MEI1: variants seen among roughly 807,000 people sequenced by gnomAD.
MEI1 encodes the protein meiosis inhibitor protein 1.
Under a neutral mutation model 146.2 loss-of-function variants are expected in MEI1, and 103 were observed. That is an observed-to-expected ratio of 0.70 (90% CI 0.60 to 0.83). The LOEUF is 0.83. Ranked by LOEUF, MEI1 falls within the 40% of genes least tolerant of loss-of-function variation. The pLI, the probability that MEI1 is intolerant of heterozygous loss-of-function variation, is 0.00. For missense variants in MEI1, 1,529 were observed against 1,533.0 expected (o/e 1.00, Z 0.04); for synonymous variants, 652 against 628.2 (o/e 1.04, Z -0.57).
At chr22:41,746,128 T>A in intron 14 of MEI1, 102 bp downstream of exon 14, 1 of 1,142,006 alleles carries the variant, frequency 8.8e-7, no homozygotes, top group Non-Finnish European at 1.2e-6. Context: ...TCAAAGGAAC[T>A]CTCTGGGGGC....
chr22:41,732,400 T>G lies in MEI1; in HGVS notation c.1196+56T>G, dbSNP rs2071943195. The G allele has an allele frequency of 1.4e-5, 23 of 1,613,408 alleles. No individual in the cohort carries two copies. The East Asian group carries it at 5.1e-4, about 36-fold the overall frequency. ...AGGGGCCAGACTGCAGAAGGAAAAG[T>G]GGGCTTTCACTCCTGGTGGGGTCAG... On this transcript the variant is annotated intron_variant, in intron 10 of 30. Transcript: ENST00000401548.
At chr22:41,740,202 T>C (rs1601853304) in intron 11 of MEI1, among the ~76,000 whole-genome samples, 1 of 152,106 alleles carries the variant, frequency 6.6e-6, no homozygotes, top group East Asian at 1.9e-4. Flanking sequence ...GTATTTTTAG[T>C]AGAGATGCGT....
intron 22 of MEI1, among the ~76,000 whole-genome samples, chr22:41,779,433 A>G (rs996679691): frequency 1.1e-4 from 16 of 152,140 alleles, no homozygotes; most frequent in African/African-American, 3.4e-4. Flanking sequence ...CAGCCTGGGC[A>G]ATGGAGTGAG....
Position 41,795,547 on chromosome 22 carries a change from G to A in MEI1, c.3666+5G>A. On this transcript the variant is annotated splice_donor_5th_base_variant and intron_variant, in intron 29 of 30. Coordinates refer to ENST00000401548, the MANE Select transcript of MEI1 (RefSeq NM_152513.4). The surrounding 1 kb of genome is among the most constrained non-coding windows in gnomAD (Gnocchi z 4.2). ...CTGCATGGCTTCTTCCAGCAGGTGG[G>A]TGGGAAGGGGAGGCCATGCAGCCAC... 2 of 1,613,830 alleles carry A rather than the reference G, an allele frequency of 1.2e-6. No homozygotes were observed. Among genetic ancestry groups the A allele is most frequent in the Non-Finnish European group, 1.7e-6 (2 of 1,179,842 alleles).
chr22:41,781,988 T>C, intron 24 of MEI1, 143 bp downstream of exon 24: 2 of 889,452 alleles, frequency 2.2e-6, no homozygotes, highest in Non-Finnish European at 3.4e-6. Context: ...CTCAGTTTCC[T>C]TTCCTACAAA....
At chr22:41,749,056 G>A (rs990551675) in intron 15 of MEI1, among the ~76,000 whole-genome samples, 7 of 151,890 alleles carry the variant, frequency 4.6e-5, no homozygotes, top group African/African-American at 1.5e-4. Flanking sequence ...TGCCCGCCTC[G>A]GCCTCCCAAA....
chr22:41,758,488 A>G lies in MEI1; in HGVS notation c.2075A>G (p.Tyr692Cys). The G allele has an allele frequency of 4.3e-6, 7 of 1,613,758 alleles. No homozygotes were observed. The highest frequency in any genetic ancestry group is 2.2e-5 in the South Asian group (2 of 91,044). ...YMEGAARQRQ[Y>C]CILLLFYLAY... The stretch of plus-strand genomic sequence containing the variant: ...GAGGGAGCTGCTCGCCAGAGACAGT[A>G]CTGCATCCTGCTCCTCTTCTACTTG... Residue 692 changes from tyrosine (Y) to cysteine (C), a missense_variant, in exon 18 of 31, where the codon TAC becomes TGC. Physicochemically the swap from Tyr to Cys is radical, Grantham distance 194. Transcript: ENST00000401548.
In MEI1 at chr22:41,758,483, A is replaced by G; in HGVS notation, c.2070A>G (p.Arg690=). ...ACATGGAGGGAGCTGCTCGCCAGAG[A>G]CAGTACTGCATCCTGCTCCTCTTCT... ...RQYMEGAARQ[R]QYCILLLFYL... Residue 690 remains arginine, a synonymous_variant, in exon 18 of 31, where the codon AGA becomes AGG. Transcript: ENST00000401548. 6.2e-7 allele frequency: 1 copy of G among 1,613,762 alleles called. No homozygotes were observed. The highest frequency in any genetic ancestry group is 8.5e-7 in the Non-Finnish European group (1 of 1,179,820).
chr22:41,776,161 C>A lies in MEI1; in HGVS notation c.2604C>A (p.Thr868=). The part of the protein sequence containing the change: ...TAHKVLISLR[T]FLRRNEDIQV... ...ACAAGGTACTGATTAGCCTGAGGAC[C>A]TTCCTGAGGAGGAATGAGGATATCC... Residue 868 remains threonine (T), a synonymous_variant, in exon 21 of 31, where the codon ACC becomes ACA. Coordinates refer to ENST00000401548, the MANE Select transcript of MEI1 (RefSeq NM_152513.4). The A allele has an allele frequency of 6.2e-7, 1 of 1,613,992 alleles. No homozygotes were observed.
chr22:41,721,295 A>AGTG (rs1387501409), intron 6 of MEI1, among the ~76,000 whole-genome samples: 1 of 125,882 alleles, frequency 7.9e-6, no homozygotes, highest in Non-Finnish European at 1.6e-5. Flanking sequence ...CCCAGGCTGG[A>AGTG]GTGCAATGGC....
At chr22:41,758,069 T>C (rs1260111404) in intron 17 of MEI1, among the ~76,000 whole-genome samples, 1 of 151,894 alleles carries the variant, frequency 6.6e-6, no homozygotes, top group Non-Finnish European at 1.5e-5. Flanking sequence ...GATCATGCCA[T>C]TGCACTCCAG....
intron 1 of MEI1, among the ~76,000 whole-genome samples, chr22:41,701,231 A>C (rs1041768443): frequency 2.6e-5 from 4 of 151,876 alleles, no homozygotes; most frequent in Admixed American, 2.0e-4. Flanking sequence ...GAGCCACCAC[A>C]CCCGGCCAAA....
chr22:41,786,573 A>C (rs1284595190), intron 26 of MEI1, among the ~76,000 whole-genome samples: 1 of 152,204 alleles, frequency 6.6e-6, no homozygotes, highest in Non-Finnish European at 1.5e-5. Context: ...TCTATGGAAA[A>C]AAGATTTCTC....
intron 21 of MEI1, 149 bp from the exon 22 acceptor site, chr22:41,778,559 T>C: frequency 1.7e-6 from 1 of 604,252 alleles, no homozygotes; most frequent in Non-Finnish European, 3.0e-6. Flanking sequence ...AAGAAAGAAA[T>C]AGGAGTAAAT....
chr22:41,724,762 G>A lies in MEI1; in HGVS notation c.864+689G>A, dbSNP rs551187210. The stretch of plus-strand genomic sequence containing the variant: ...GCCATGATCATGCCACTACACTCCA[G>A]CCTGGGTGATAGAAAGTAGATTTCC... On this transcript the variant is annotated intron_variant, in intron 7 of 30. Transcript: ENST00000401548. Among the ~76,000 whole-genome samples the A allele has an allele frequency of 1.1e-4, 17 of 152,092 alleles. No homozygotes were observed. The East Asian group carries it at 2.5e-3, about 22-fold the overall frequency.
intron 24 of MEI1, 97 bp from the exon 25 acceptor site, chr22:41,784,242 A>T: frequency 2.9e-6 from 3 of 1,028,262 alleles, no homozygotes; most frequent in Admixed American, 3.8e-5. Context: ...TGCAGTGGAT[A>T]TGTGGGGGGA....
intron 19 of MEI1, among the ~76,000 whole-genome samples, chr22:41,765,142 T>A (rs1458681958): frequency 6.6e-6 from 1 of 152,148 alleles, no homozygotes; most frequent in African/African-American, 2.4e-5. Flanking sequence ...GTAGCTGGGA[T>A]TACAGTGGGA....
intron 16 of MEI1, among the ~76,000 whole-genome samples, chr22:41,753,061 C>G (rs1394617489): frequency 6.6e-6 from 1 of 151,868 alleles, no homozygotes; most frequent in Non-Finnish European, 1.5e-5. Context: ...CTCTGTCACC[C>G]AGGCTGGAGT....
At chr22:41,741,126 A>G (rs897825024) in intron 11 of MEI1, among the ~76,000 whole-genome samples, 1 of 152,094 alleles carries the variant, frequency 6.6e-6, no homozygotes, top group African/African-American at 2.4e-5. Context: ...ATGTTTTAAG[A>G]AAGTTTACAA....
Sources: gnomAD v4.1 joint callset for allele counts (sites outside exome capture counted in the v4.1 genomes callset) on GRCh38, gnomAD v4.1.1 for gene constraint, Gnocchi (gnomAD v3.1) non-coding constraint, MANE v1.5 for transcripts, NCBI Gene and HGNC (gene_info 2026-07-23, HGNC 2026-07-21) for gene names.